Variants in ATP8B4 observed in about 807,000 individuals in gnomAD.
ATP8B4 encodes the protein ATPase phospholipid transporting 8B4 (putative).
Under a neutral mutation model 145.6 loss-of-function variants are expected in ATP8B4, and 133 were observed. The observed-to-expected ratio is 0.91, with a 90% CI of 0.79 to 1.05. The LOEUF is 1.05. Ranked by LOEUF, ATP8B4 falls within the 50% of genes least tolerant of loss-of-function variation. The pLI is 0.00. For missense variants in ATP8B4, 1,458 were observed against 1,425.2 expected, an observed-to-expected ratio of 1.02 and a Z score of -0.37; for synonymous variants, 507 against 492.9, an observed-to-expected ratio of 1.03 and a Z score of -0.38.
upstream of ATP8B4, among the ~76,000 whole-genome samples, chr15:50,119,813 C>T (rs2057247545): frequency 8.1e-6 from 1 of 123,106 alleles, no homozygotes; most frequent in South Asian, 2.7e-4. Context: ...TGGATGAAAG[C>T]TAAGCATACT....
intron 7 of ATP8B4, among the ~76,000 whole-genome samples, chr15:50,003,302 G>A (rs906315423): frequency 6.6e-6 from 1 of 151,784 alleles, no homozygotes; most frequent in African/African-American, 2.4e-5. Context: ...GTGTGTGTGT[G>A]TGTGTGTGTG....
intron 3 of ATP8B4, among the ~76,000 whole-genome samples, chr15:50,073,077 GTGTGTGTGTATATATA>G (rs2053958532): frequency 7.0e-6 from 1 of 143,020 alleles, no homozygotes; most frequent in Non-Finnish European, 1.5e-5. Flanking sequence ...ATATATATAT[GTGTGTGTGTATATATA>G]TGTGTGTGTG....
chr15:50,172,344 C>T (rs2044688715), intron 1 of ATP8B4, among the ~76,000 whole-genome samples: 1 of 152,270 alleles, frequency 6.6e-6, no homozygotes, highest in Non-Finnish European at 1.5e-5. Flanking sequence ...GGGTTTCCCC[C>T]TCTTGGCCGG....
At chr15:50,071,321 G>C (rs780484423) in intron 3 of ATP8B4, among the ~76,000 whole-genome samples, 1 of 152,016 alleles carries the variant, frequency 6.6e-6, no homozygotes, top group South Asian at 2.1e-4. Context: ...GTTATTCCCC[G>C]TGCTTCTCTG....
chr15:50,096,664 AT>A (rs1419060418), intron 2 of ATP8B4, among the ~76,000 whole-genome samples: 2 of 152,186 alleles, frequency 1.3e-5, no homozygotes, highest in Non-Finnish European at 2.9e-5. Context: ...TGATGAACCT[AT>A]GAATGGAAGG....
At chr15:49,937,661 A>T (rs1212355695) in intron 14 of ATP8B4, among the ~76,000 whole-genome samples, 1 of 152,156 alleles carries the variant, frequency 6.6e-6, no homozygotes, top group Non-Finnish European at 1.5e-5. Flanking sequence ...TTTTTCAGCC[A>T]ACTATTAAGA....
upstream of ATP8B4, among the ~76,000 whole-genome samples, chr15:50,120,259 A>G (rs1192409441): frequency 6.6e-6 from 1 of 152,120 alleles, no homozygotes; most frequent in Non-Finnish European, 1.5e-5. Flanking sequence ...TTTTCCTACC[A>G]AGGTTCCACA....
intron 10 of ATP8B4, 95 bp downstream of exon 10, chr15:49,987,296 C>T (rs2046694215): frequency 1.4e-6 from 2 of 1,405,180 alleles, no homozygotes; most frequent in Non-Finnish European, 1.9e-6. Flanking sequence ...GGAATGAAAG[C>T]ACTGCGCTCA....
intron 2 of ATP8B4, among the ~76,000 whole-genome samples, chr15:50,100,784 T>C (rs1296437195): frequency 6.6e-6 from 1 of 152,308 alleles, no homozygotes; most frequent in Middle Eastern, 3.4e-3. Context: ...GCAGACACAG[T>C]TACACAGCCA....
intron 23 of ATP8B4, among the ~76,000 whole-genome samples, chr15:49,891,892 G>T (rs945011784): frequency 6.6e-6 from 1 of 151,982 alleles, no homozygotes; most frequent in Non-Finnish European, 1.5e-5. Flanking sequence ...GAGGCAGGGG[G>T]ATCACGAGGT....
intron 6 of ATP8B4, among the ~76,000 whole-genome samples, chr15:50,012,179 C>T (rs962835294): frequency 6.6e-6 from 1 of 152,150 alleles, no homozygotes; most frequent in East Asian, 1.9e-4. Flanking sequence ...TTCTAAATCT[C>T]ATTTATCTTT....
chr15:49,965,859 C>T (rs955099288), intron 13 of ATP8B4, among the ~76,000 whole-genome samples: 1 of 149,476 alleles, frequency 6.7e-6, no homozygotes, highest in South Asian at 2.1e-4. Flanking sequence ...AGCTCTGGTC[C>T]GTAGCTCCCA....
At chr15:50,126,879 C>A (rs1036013598) in intron 1 of ATP8B4, among the ~76,000 whole-genome samples, 4 of 152,138 alleles carry the variant, frequency 2.6e-5, no homozygotes, top group Admixed American at 6.5e-5. Flanking sequence ...CCCCCGCCAC[C>A]AAATGGAAAA....
chr15:49,918,438 T>C (rs1298604385), intron 19 of ATP8B4, among the ~76,000 whole-genome samples: 1 of 152,184 alleles, frequency 6.6e-6, no homozygotes, highest in African/African-American at 2.4e-5. Flanking sequence ...ATCCTTCAAA[T>C]TCCCCACCAT....
chr15:50,137,454 C>T (rs1288636358), intron 1 of ATP8B4, among the ~76,000 whole-genome samples: 1 of 152,148 alleles, frequency 6.6e-6, no homozygotes, highest in African/African-American at 2.4e-5. Flanking sequence ...CATCACTGTG[C>T]GTCATCATGA....
chr15:49,941,133 A>G (rs1389564507), intron 14 of ATP8B4, among the ~76,000 whole-genome samples: 3 of 152,196 alleles, frequency 2.0e-5, no homozygotes, highest in Non-Finnish European at 4.4e-5. Context: ...AGAAGAGTCA[A>G]GATAATACAA....
chr15:49,910,816 C>A (rs1255169111), intron 20 of ATP8B4, among the ~76,000 whole-genome samples: 3 of 152,050 alleles, frequency 2.0e-5, no homozygotes, highest in Non-Finnish European at 4.4e-5. Context: ...AATAAAATTA[C>A]CCTCTTTGGG....
At chr15:49,998,664 T>C (rs1169038578) in intron 8 of ATP8B4, among the ~76,000 whole-genome samples, 2 of 152,168 alleles carry the variant, frequency 1.3e-5, no homozygotes, top group East Asian at 3.9e-4. Context: ...GAGTAGGTTG[T>C]GAAAATTGTC....
At chr15:49,890,967 C>T (rs184816844) in intron 23 of ATP8B4, among the ~76,000 whole-genome samples, 1 of 152,298 alleles carries the variant, frequency 6.6e-6, no homozygotes, top group Admixed American at 6.5e-5. Flanking sequence ...GCTAAGTAAG[C>T]TCCCCATTCA....
Sources: gnomAD v4.1 joint callset for allele counts (sites outside exome capture counted in the v4.1 genomes callset) on GRCh38, gnomAD v4.1.1 for gene constraint, MANE v1.5 for transcripts, NCBI Gene and HGNC (gene_info 2026-07-23, HGNC 2026-07-21) for gene names.